CNGB3: variants seen among roughly 807,000 people sequenced by gnomAD.
CNGB3 encodes the protein cyclic nucleotide gated channel subunit beta 3, also known as cyclic nucleotide-gated channel beta-3.
CNGB3 carries 86 observed loss-of-function variants against 92.8 expected under a neutral mutation model. The ratio of observed to expected loss-of-function variants is 0.93; its 90% CI spans 0.78 to 1.11. CNGB3 has a LOEUF of 1.11. CNGB3 is among the 50% of genes least tolerant of loss of function. The pLI is 0.00. For missense variants in CNGB3, 1,026 were observed against 956.8 expected (o/e 1.07, Z -0.95); for synonymous variants, 333 against 332.7 (o/e 1.00, Z -0.01).
Position 86,627,238 on chromosome 8 carries a change from CTCTAGTTACCTCCTAA to C in CNGB3, c.1481-1174_1481-1159del, listed in dbSNP as rs111963753. On this transcript the variant is annotated intron_variant, in intron 12 of 17. Transcript: ENST00000320005. ...ACAGTTTATTGTTTCCGAGGGCTGT[CTCTAGTTACCTCCTAA>C]GCCAAGGAGTTGAATCATTATCTGC... Among the ~76,000 whole-genome samples, 608 of 152,174 alleles carry C rather than the reference CTCTAGTTACCTCCTAA, an allele frequency of 4.0e-3. 5 individuals are homozygous for C. Among genetic ancestry groups the C allele is most frequent in the African/African-American group, 0.012 (512 of 41,496 alleles).
chr8:86,611,661 G>A lies in CNGB3; in HGVS notation c.1589C>T (p.Thr530Ile). 2 of 1,609,984 alleles carry A rather than the reference G, an allele frequency of 1.2e-6. No individual in the cohort carries two copies. Among genetic ancestry groups the A allele is most frequent in the South Asian group, 1.1e-5 (1 of 90,982 alleles). The change falls in exon 14 of 18, where the codon ACA becomes ATA. Residue 530 changes from threonine (T) to isoleucine (I), a missense_variant. Coordinates refer to ENST00000320005, the MANE Select transcript of CNGB3 (RefSeq NM_019098.5). ...SKVDLFKGCD[T>I]QMIYDMLLRL... ...TAGCAACATGTCATAAATCATCTGT[G>A]TATCACAACCCTATATAAAAAGAAA...
chr8:86,665,857 T>C (rs909013067), intron 6 of CNGB3, among the ~76,000 whole-genome samples: 8 of 152,112 alleles, frequency 5.3e-5, no homozygotes, highest in African/African-American at 1.9e-4. Context: ...GATACCCAGG[T>C]AACAAACCTG....
intron 3 of CNGB3, among the ~76,000 whole-genome samples, chr8:86,696,199 A>C (rs1824447108): frequency 6.6e-6 from 1 of 152,042 alleles, no homozygotes; most frequent in Admixed American, 6.6e-5. Flanking sequence ...CAGGCAGTGG[A>C]GTTATCTATT....
At chr8:86,689,058 C>T (rs1425033871) in intron 3 of CNGB3, among the ~76,000 whole-genome samples, 3 of 151,030 alleles carry the variant, frequency 2.0e-5, no homozygotes, top group African/African-American at 7.3e-5. Context: ...CATTCAGGAG[C>T]ATTTTGTTTA....
intron 12 of CNGB3, 51 bp from the exon 13 acceptor site, chr8:86,626,131 A>G: frequency 7.1e-7 from 1 of 1,413,148 alleles, no homozygotes; most frequent in Non-Finnish European, 1.0e-6. Context: ...TTAATGAAAT[A>G]AGTCACCAAG....
rs954363319 is a variant in CNGB3 at position 86,646,213 on chromosome 8, G to A, written c.991-1527C>T. Among the ~76,000 whole-genome samples, 7 of 151,168 alleles carry A rather than the reference G, an allele frequency of 4.6e-5. 1 individual carries two copies. Among genetic ancestry groups the A allele is most frequent in the African/African-American group, 1.4e-4 (6 of 41,410 alleles). ...TGAGACTGAAAATTTGATAAGGGAT[G>A]GCCTGACCACTAGATTGCTTGGAAC... is the stretch of plus-strand genomic sequence containing the variant. On this transcript the variant is annotated intron_variant, in intron 8 of 17. Coordinates refer to ENST00000320005, the MANE Select transcript of CNGB3 (RefSeq NM_019098.5).
chr8:86,706,629 T>C (rs1824657446), intron 3 of CNGB3, among the ~76,000 whole-genome samples: 1 of 152,224 alleles, frequency 6.6e-6, no homozygotes, highest in Admixed American at 6.5e-5. Flanking sequence ...CCTGGACTGA[T>C]GCCCTCTGAA....
chr8:86,713,112 C>T (rs1824781649), intron 3 of CNGB3, among the ~76,000 whole-genome samples: 1 of 151,898 alleles, frequency 6.6e-6, no homozygotes, highest in African/African-American at 2.4e-5. Context: ...ATGTTTTGAC[C>T]TCAGAGTTAC....
At chr8:86,717,992 A>C (rs1202674064) in intron 3 of CNGB3, among the ~76,000 whole-genome samples, 1 of 152,144 alleles carries the variant, frequency 6.6e-6, no homozygotes, top group East Asian at 1.9e-4. Context: ...ACCTATCAAA[A>C]CCCCTGGGAT....
intron 3 of CNGB3, among the ~76,000 whole-genome samples, chr8:86,710,083 C>T (rs1159561799): frequency 2.6e-5 from 4 of 152,128 alleles, no homozygotes; most frequent in African/African-American, 7.2e-5. Context: ...CAAATCTCTT[C>T]CTTTCTTGTA....
At chr8:86,628,565 G>C (rs925975122) in intron 12 of CNGB3, among the ~76,000 whole-genome samples, 2 of 152,024 alleles carry the variant, frequency 1.3e-5, no homozygotes, top group African/African-American at 4.8e-5. Context: ...CTGTGTCTTC[G>C]CCCAAATTTC....
At chr8:86,697,590 TA>T (rs994826577) in intron 3 of CNGB3, among the ~76,000 whole-genome samples, 5 of 152,268 alleles carry the variant, frequency 3.3e-5, no homozygotes, top group Non-Finnish European at 5.9e-5. Context: ...AATTGGACTT[TA>T]AAAAAATTTT....
intron 13 of CNGB3, among the ~76,000 whole-genome samples, chr8:86,624,482 G>A (rs180996529): frequency 3.1e-4 from 47 of 152,142 alleles, no homozygotes; most frequent in African/African-American, 9.6e-4. Context: ...ATTAACTGCC[G>A]ACTGCCTCAG....
intron 15 of CNGB3, among the ~76,000 whole-genome samples, chr8:86,590,163 C>T (rs1329629459): frequency 6.6e-6 from 1 of 151,782 alleles, no homozygotes; most frequent in African/African-American, 2.4e-5. Context: ...GATTGCAACC[C>T]CTGCCTTTTT....
In CNGB3 at chr8:86,733,089, C is replaced by T. The variant is rs185740625; in HGVS notation, c.212-6432G>A. Reference sequence around the variant, plus strand: ...GAAATAGTTAGTTTTTCAACTCTTCCCCCCACCTTCCTCCCTCTAGTAGCC... The same window carrying T: ...GAAATAGTTAGTTTTTCAACTCTTCTCCCCACCTTCCTCCCTCTAGTAGCC... On this transcript the variant is annotated intron_variant, in intron 2 of 17. Transcript: ENST00000320005. 6.6e-5 allele frequency among the ~76,000 whole-genome samples: 10 copies of T among 151,854 alleles called. No individual in the cohort carries two copies. The East Asian group carries it at 1.7e-3, about 26-fold the overall frequency.
At chr8:86,659,172 G>A (rs1020138541) in intron 6 of CNGB3, 4 of 710,164 alleles carry the variant, frequency 5.6e-6, no homozygotes, top group Admixed American at 1.9e-5. Context: ...CTCCCTCAAT[G>A]TGTGCACCTG....
chr8:86,694,228 A>AC lies in CNGB3; in HGVS notation c.339-23131dup, dbSNP rs1452078638. The stretch of plus-strand genomic sequence containing the variant: ...GGGCGGCTGGCCGGGCGGGGGGCTG[A>AC]CCCCCCCACCTCCCTCCTGGATGGG... On this transcript the variant is annotated intron_variant, in intron 3 of 17. Transcript: ENST00000320005. 6.1e-5 allele frequency among the ~76,000 whole-genome samples: 7 copies of AC among 115,168 alleles called. No homozygotes were observed. In the East Asian group the frequency reaches 7.6e-4, roughly 12 times the overall value. 75.6% of individuals were successfully genotyped at this position (115,168 alleles called of 152,430 possible). A position where few individuals can be genotyped will look rare whatever the true frequency, so the allele number is the denominator to read the frequency against.
chr8:86,700,327 A>G (rs1404330578), intron 3 of CNGB3, among the ~76,000 whole-genome samples: 1 of 152,154 alleles, frequency 6.6e-6, no homozygotes, highest in Admixed American at 6.5e-5. Context: ...CAATTTTTTT[A>G]ATACTAAGAA....
At chr8:86,728,343 G>A (rs571206134) in intron 2 of CNGB3, among the ~76,000 whole-genome samples, 1 of 152,182 alleles carries the variant, frequency 6.6e-6, no homozygotes, top group South Asian at 2.1e-4. Flanking sequence ...GTATCCAACA[G>A]ATTTCAGAGT....
Sources: gnomAD v4.1 joint callset for allele counts (sites outside exome capture counted in the v4.1 genomes callset) on GRCh38, gnomAD v4.1.1 for gene constraint, MANE v1.5 for transcripts, NCBI Gene and HGNC (gene_info 2026-07-23, HGNC 2026-07-21) for gene names.